The following PPP3CA variants were observed in gnomAD, a reference collection of about 807,000 sequenced individuals.
PPP3CA encodes the protein CAM-PRP catalytic subunit.
Under a neutral mutation model 66.5 loss-of-function variants are expected in PPP3CA, and 14 were observed. That is an observed-to-expected ratio of 0.21 (90% CI 0.14 to 0.33). PPP3CA has a LOEUF of 0.33. Among genes scored for constraint, PPP3CA ranks in the 10% least tolerant of loss-of-function variants. The pLI is 1.00. For missense variants in PPP3CA, 317 were observed against 639.5 expected (o/e 0.50, Z 5.44); for synonymous variants, 232 against 226.2 (o/e 1.03, Z -0.23).
chr4:101,337,291 C>T (rs963939469), intron 1 of PPP3CA, among the ~76,000 whole-genome samples: 1 of 152,180 alleles, frequency 6.6e-6, no homozygotes, highest in African/African-American at 2.4e-5. Flanking sequence ...TGATCCACTA[C>T]AGAAAGAGAC....
chr4:101,172,615 C>T (rs1723922292), intron 2 of PPP3CA, among the ~76,000 whole-genome samples: 1 of 152,066 alleles, frequency 6.6e-6, no homozygotes, highest in South Asian at 2.1e-4. Flanking sequence ...ATTTCAGACT[C>T]CTTTCTAAGC....
chr4:101,277,282 C>T (rs747689958), intron 1 of PPP3CA, among the ~76,000 whole-genome samples: 17 of 152,158 alleles, frequency 1.1e-4, no homozygotes, highest in Non-Finnish European at 1.6e-4. Flanking sequence ...GGATGTACCA[C>T]AGTTTATCTA....
At chr4:101,106,613 C>T (rs1730767946) in intron 3 of PPP3CA, among the ~76,000 whole-genome samples, 1 of 152,144 alleles carries the variant, frequency 6.6e-6, no homozygotes, top group Non-Finnish European at 1.5e-5. Context: ...CTTCCTTAAT[C>T]CTGGCCACAT....
rs140777564 is a variant in PPP3CA at position 101,247,646 on chromosome 4, A to T, written c.59-51530T>A. ...TTTCCCTATACATATTTTTTCATTC[A>T]GTTTCTGATTTATTTTGTATGTATT... On this transcript the variant is annotated intron_variant, in intron 1 of 13. Transcript: ENST00000394854. 6.8e-3 allele frequency among the ~76,000 whole-genome samples: 1,036 copies of T among 152,228 alleles called. 9 individuals carry two copies. Among genetic ancestry groups the T allele is most frequent in the African/African-American group, 0.024 (992 of 41,520 alleles).
intron 6 of PPP3CA, among the ~76,000 whole-genome samples, chr4:101,089,161 G>C (rs10026289): frequency 0.02 from 3,109 of 152,218 alleles, 113 homozygotes; most frequent in African/African-American, 0.071. Flanking sequence ...ACTGGCCATA[G>C]AGTTTACAGT....
At chr4:101,168,834 CTTA>C (rs1723777174) in intron 2 of PPP3CA, among the ~76,000 whole-genome samples, 1 of 152,142 alleles carries the variant, frequency 6.6e-6, no homozygotes, top group Non-Finnish European at 1.5e-5. Flanking sequence ...AGTAAGACCT[CTTA>C]TTATATCAGA....
intron 1 of PPP3CA, among the ~76,000 whole-genome samples, chr4:101,203,794 T>C (rs117857456): frequency 1.9e-3 from 288 of 152,288 alleles, no homozygotes; most frequent in East Asian, 0.014. Context: ...AGAAGTTCTA[T>C]CACAACACTA....
intron 1 of PPP3CA, among the ~76,000 whole-genome samples, chr4:101,240,333 T>C (rs1470962745): frequency 6.6e-6 from 1 of 152,098 alleles, no homozygotes; most frequent in East Asian, 1.9e-4. Flanking sequence ...TACATAAAAT[T>C]AATGGAGGCT....
intron 1 of PPP3CA, among the ~76,000 whole-genome samples, chr4:101,334,562 T>C (rs995060042): frequency 6.6e-6 from 1 of 152,186 alleles, no homozygotes; most frequent in Non-Finnish European, 1.5e-5. Context: ...GGAAAAAAAT[T>C]TAAATTAGTC....
chr4:101,264,408 G>C (rs1727104166), intron 1 of PPP3CA, among the ~76,000 whole-genome samples: 2 of 151,788 alleles, frequency 1.3e-5, no homozygotes, highest in Admixed American at 1.3e-4. Context: ...GACTTCTAAG[G>C]CATACGAAGG....
At chr4:101,202,054 C>T (rs1251767867) in intron 1 of PPP3CA, among the ~76,000 whole-genome samples, 1 of 151,562 alleles carries the variant, frequency 6.6e-6, no homozygotes, top group Non-Finnish European at 1.5e-5. Flanking sequence ...TGTTAAACTG[C>T]AAAACTAAAG....
At chr4:101,299,037 A>G (rs1346773520) in intron 1 of PPP3CA, among the ~76,000 whole-genome samples, 1 of 151,284 alleles carries the variant, frequency 6.6e-6, no homozygotes, top group East Asian at 1.9e-4. Flanking sequence ...TATGATATTC[A>G]GCACCACTGC....
chr4:101,108,908 T>C (rs762935101), intron 3 of PPP3CA, 46 bp downstream of exon 3: 3 of 1,574,292 alleles, frequency 1.9e-6, no homozygotes, highest in Non-Finnish European at 8.7e-7. Context: ...TTTGAGATAC[T>C]GTTAATCCAT....
At chr4:101,153,900 T>C (rs1002830745) in intron 2 of PPP3CA, among the ~76,000 whole-genome samples, 1 of 152,124 alleles carries the variant, frequency 6.6e-6, no homozygotes. Flanking sequence ...CATTTGGTTG[T>C]ACAGGATGTG....
intron 12 of PPP3CA, among the ~76,000 whole-genome samples, chr4:101,031,313 C>T (rs1487455362): frequency 2.6e-5 from 4 of 151,668 alleles, no homozygotes; most frequent in Admixed American, 2.0e-4. Context: ...AGCAAGAGGC[C>T]GAGAATGTTT....
At chr4:101,232,919 C>T (rs1451901153) in intron 1 of PPP3CA, among the ~76,000 whole-genome samples, 1 of 151,476 alleles carries the variant, frequency 6.6e-6, no homozygotes, top group Admixed American at 6.6e-5. Context: ...TGAAAAACAC[C>T]ATACAGATTT....
At chr4:101,093,735 T>C in intron 6 of PPP3CA, 41 bp downstream of exon 6, 1 of 1,525,290 alleles carries the variant, frequency 6.6e-7, no homozygotes, top group Non-Finnish European at 8.8e-7. Flanking sequence ...CCTAGCATTA[T>C]GATGCAAACG....
chr4:101,072,904 C>G lies in PPP3CA; in HGVS notation c.955+7628G>C, dbSNP rs199543150. 2.3e-3 allele frequency among the ~76,000 whole-genome samples: 322 copies of G among 142,944 alleles called. 8 individuals are homozygous for G. The South Asian group carries it at 0.05, about 22-fold the overall frequency. 93.8% of individuals were successfully genotyped at this position (142,944 alleles called of 152,430 possible). ...TGAGCCGAGATTGAGCCACTGCACT[C>G]TAGCCTGGGGGACAGAGTGAGACTC... On this transcript the variant is annotated intron_variant, in intron 8 of 13. Transcript: ENST00000394854.
chr4:101,141,335 A>G (rs1419805945), intron 2 of PPP3CA, among the ~76,000 whole-genome samples: 3 of 152,292 alleles, frequency 2.0e-5, no homozygotes, highest in East Asian at 3.9e-4. Context: ...ACGCCACTGC[A>G]TGCCAACTTG....
Sources: gnomAD v4.1 joint callset for allele counts (sites outside exome capture counted in the v4.1 genomes callset) on GRCh38, gnomAD v4.1.1 for gene constraint, MANE v1.5 for transcripts, NCBI Gene and HGNC (gene_info 2026-07-23, HGNC 2026-07-21) for gene names.